GALNTL6: variants seen among roughly 807,000 people sequenced by gnomAD.
The protein encoded by GALNTL6 is polypeptide N-acetylgalactosaminyltransferase-like 6.
In GALNTL6, 46 loss-of-function variants were observed where a neutral mutation model predicts 73.7. The ratio of observed to expected loss-of-function variants is 0.62; its 90% CI spans 0.49 to 0.80. GALNTL6 has a LOEUF of 0.80. Among genes scored for constraint, GALNTL6 ranks in the 30% least tolerant of loss-of-function variants. The pLI, the probability that GALNTL6 is intolerant of heterozygous loss-of-function variation, is 0.00. For synonymous variants in GALNTL6, 259 were observed against 263.7 expected (o/e 0.98, Z 0.17); for missense variants, 604 against 755.0 (o/e 0.80, Z 2.34).
At chr4:172,119,408 T>C (rs1342467987) in intron 2 of GALNTL6, among the ~76,000 whole-genome samples, 2 of 152,176 alleles carry the variant, frequency 1.3e-5, no homozygotes, top group African/African-American at 4.8e-5. Flanking sequence ...TGAATTCCTA[T>C]GGGTTTTCAT....
intron 5 of GALNTL6, among the ~76,000 whole-genome samples, chr4:172,678,209 C>A (rs1342098536): frequency 6.6e-6 from 1 of 152,186 alleles, no homozygotes; most frequent in African/African-American, 2.4e-5. Flanking sequence ...CCAGGGTAGT[C>A]CACCCTCTAG....
intron 5 of GALNTL6, among the ~76,000 whole-genome samples, chr4:172,568,620 T>C (rs1437819878): frequency 6.6e-6 from 1 of 150,704 alleles, no homozygotes; most frequent in Non-Finnish European, 1.5e-5. Context: ...TAGCCGGGCG[T>C]GATGGTGGGC....
intron 5 of GALNTL6, among the ~76,000 whole-genome samples, chr4:172,432,459 A>G (rs1731490751): frequency 6.6e-6 from 1 of 151,988 alleles, no homozygotes; most frequent in Non-Finnish European, 1.5e-5. Context: ...CATCACGCAA[A>G]CCCTCTGATC....
intron 5 of GALNTL6, among the ~76,000 whole-genome samples, chr4:172,636,343 G>C (rs569205620): frequency 6.6e-6 from 1 of 152,236 alleles, no homozygotes; most frequent in East Asian, 1.9e-4. Flanking sequence ...ACTGAATACT[G>C]GTGTCCCAAA....
At chr4:172,788,628 C>A (rs1241690781) in intron 5 of GALNTL6, among the ~76,000 whole-genome samples, 3 of 140,418 alleles carry the variant, frequency 2.1e-5, no homozygotes, top group Non-Finnish European at 4.5e-5. Flanking sequence ...GCCGATATCG[C>A]ACCACTGCAC....
intron 2 of GALNTL6, among the ~76,000 whole-genome samples, chr4:172,008,206 T>G (rs72698922): frequency 6.6e-6 from 1 of 152,290 alleles, no homozygotes; most frequent in Non-Finnish European, 1.5e-5. Context: ...TGTTTTAAAT[T>G]TTCTAATGCA....
chr4:172,024,741 A>G lies in GALNTL6; in HGVS notation c.139-204915A>G, dbSNP rs553739408. Among the ~76,000 whole-genome samples the G allele has an allele frequency of 9.2e-5, 14 of 152,078 alleles. No homozygotes were observed. In the South Asian group the frequency reaches 2.7e-3, roughly 29 times the overall value. On this transcript the variant is annotated intron_variant, in intron 2 of 12. Transcript: ENST00000506823. ...GTAGGCTGTAGTACAAAATAAATAG[A>G]GTGGAACAACCAGTATAGATTTTTG...
At chr4:172,272,975 A>G (rs1389819182) in intron 3 of GALNTL6, among the ~76,000 whole-genome samples, 1 of 152,170 alleles carries the variant, frequency 6.6e-6, no homozygotes, top group African/African-American at 2.4e-5. Flanking sequence ...TTTGCTGCAT[A>G]TTCTTATTAA....
At chr4:172,175,072 A>G (rs1379184858) in intron 2 of GALNTL6, among the ~76,000 whole-genome samples, 20 of 142,790 alleles carry the variant, frequency 1.4e-4, no homozygotes. Flanking sequence ...GAAAGAGACA[A>G]ACAAGAATTT....
chr4:171,971,431 A>G (rs1226904568), intron 2 of GALNTL6, among the ~76,000 whole-genome samples: 2 of 152,202 alleles, frequency 1.3e-5, no homozygotes, highest in African/African-American at 2.4e-5. Flanking sequence ...CACAAAATAT[A>G]TTTTGAATTT....
intron 3 of GALNTL6, 79 bp from the exon 4 acceptor site, chr4:172,311,535 A>G (rs1275816892): frequency 8.1e-7 from 1 of 1,228,682 alleles, no homozygotes; most frequent in Non-Finnish European, 1.1e-6. Context: ...GATAATACAC[A>G]TTCCAGTCTT....
chr4:172,622,172 T>A (rs954791382), intron 5 of GALNTL6, among the ~76,000 whole-genome samples: 1 of 152,062 alleles, frequency 6.6e-6, no homozygotes, highest in Admixed American at 6.6e-5. Context: ...TTATGAAAAA[T>A]AGTCCAGTTT....
chr4:172,522,678 CAAAA>C (rs11342052), intron 5 of GALNTL6, among the ~76,000 whole-genome samples: 2 of 102,200 alleles, frequency 2.0e-5, no homozygotes, highest in Non-Finnish European at 4.0e-5. Context: ...CCCCCCCCCC[CAAAA>C]AAAAAGTGTA....
chr4:172,574,221 A>C (rs1287024771), intron 5 of GALNTL6, among the ~76,000 whole-genome samples: 2 of 152,160 alleles, frequency 1.3e-5, no homozygotes, highest in African/African-American at 4.8e-5. Context: ...AGAAAAACAC[A>C]AAAGCAACTA....
chr4:172,947,027 G>T (rs945776314), intron 9 of GALNTL6, among the ~76,000 whole-genome samples: 4 of 152,132 alleles, frequency 2.6e-5, no homozygotes, highest in African/African-American at 9.7e-5. Flanking sequence ...CAGAACCATG[G>T]CAGGAAGCTA....
intron 5 of GALNTL6, among the ~76,000 whole-genome samples, chr4:172,554,729 C>G (rs1025478585): frequency 6.6e-6 from 1 of 152,164 alleles, no homozygotes; most frequent in African/African-American, 2.4e-5. Flanking sequence ...ATCCGTATCA[C>G]TGGGTGCAGC....
chr4:172,627,416 G>A (rs1323657213), intron 5 of GALNTL6, among the ~76,000 whole-genome samples: 1 of 151,886 alleles, frequency 6.6e-6, no homozygotes, highest in Non-Finnish European at 1.5e-5. Context: ...GAGGATTTTT[G>A]CATTTATGTT....
At chr4:172,905,445 TC>T (rs1182090887) in intron 8 of GALNTL6, among the ~76,000 whole-genome samples, 3 of 152,134 alleles carry the variant, frequency 2.0e-5, no homozygotes, top group Non-Finnish European at 4.4e-5. Flanking sequence ...CAGTGGCTAC[TC>T]AATAAGAAAT....
In GALNTL6 at chr4:172,809,288, CAA is replaced by C; in HGVS notation, c.554-71_554-70del. On this transcript the variant is annotated intron_variant, in intron 5 of 12. Transcript: ENST00000506823. This position sits in a 1 kb window ranked among gnomAD's most constrained non-coding sequence, Gnocchi z 4.4. ...TCATCAGTCACATACTCTCTATGCA[CAA>C]ACAACCGTGAATAATTCAGCTGCAA... 1 of 1,264,628 alleles carries C rather than the reference CAA, an allele frequency of 7.9e-7. No individual in the cohort carries two copies. Among genetic ancestry groups the C allele is most frequent in the South Asian group, 1.3e-5 (1 of 75,920 alleles). 78.3% of individuals were successfully genotyped at this position (1,264,628 alleles called of 1,614,324 possible). A position where few individuals can be genotyped will look rare whatever the true frequency, so the allele number is the denominator to read the frequency against.
Sources: gnomAD v4.1 joint callset for allele counts (sites outside exome capture counted in the v4.1 genomes callset) on GRCh38, gnomAD v4.1.1 for gene constraint, Gnocchi (gnomAD v3.1) non-coding constraint, MANE v1.5 for transcripts, NCBI Gene and HGNC (gene_info 2026-07-23, HGNC 2026-07-21) for gene names.